Variants in SOX5 observed in about 807,000 individuals in gnomAD.
The protein encoded by SOX5 is SRY-box transcription factor 5.
SOX5 carries 9 observed loss-of-function variants against 92.0 expected under a neutral mutation model. That is an observed-to-expected ratio of 0.10 (90% CI 0.06 to 0.17). The LOEUF (loss-of-function observed/expected upper bound fraction) is 0.17. SOX5 is among the 10% of genes least tolerant of loss of function. The probability of loss-of-function intolerance (pLI) is 1.00; values close to 1 mark genes in which losing one functional copy is unlikely to be tolerated. For synonymous variants in SOX5, 344 were observed against 336.3 expected (o/e 1.02, Z -0.25); for missense variants, 642 against 944.5 (o/e 0.68, Z 4.20).
intron 2 of SOX5, among the ~76,000 whole-genome samples, chr12:24,346,685 T>C (rs1490893180): frequency 6.6e-6 from 1 of 152,070 alleles, no homozygotes; most frequent in Non-Finnish European, 1.5e-5. Context: ...ACTCCTGACC[T>C]TGTGATCCAC....
chr12:24,115,341 A>G (rs557792964), intron 4 of SOX5, among the ~76,000 whole-genome samples: 3 of 152,376 alleles, frequency 2.0e-5, no homozygotes, highest in Admixed American at 1.3e-4. Flanking sequence ...TTGGAACTCT[A>G]TATTCCACTA....
chr12:24,287,080 C>T (rs534213146), intron 2 of SOX5, among the ~76,000 whole-genome samples: 2 of 152,054 alleles, frequency 1.3e-5, no homozygotes, highest in Non-Finnish European at 1.5e-5. Context: ...TTCTAGTCCC[C>T]GAAGTTCAGG....
intron 4 of SOX5, among the ~76,000 whole-genome samples, chr12:24,013,551 G>A (rs1370612811): frequency 2.0e-5 from 3 of 152,148 alleles, no homozygotes; most frequent in Non-Finnish European, 2.9e-5. Flanking sequence ...TAATAACAAT[G>A]TGAAATTTGG....
chr12:24,320,576 C>T (rs1950112075), intron 2 of SOX5, among the ~76,000 whole-genome samples: 1 of 151,966 alleles, frequency 6.6e-6, no homozygotes, highest in Non-Finnish European at 1.5e-5. Flanking sequence ...AAATAAGATC[C>T]ACTGTGCGTC....
In SOX5 at chr12:24,252,502, G is replaced by A. The variant is rs143558452; in HGVS notation, c.-77+24714C>T. ...ATTTCTCCAAAATAAAGGGGGAAAG[G>A]CCAAAAAAAAAAAGTTAAGGGGATT... On this transcript the variant is annotated intron_variant, in intron 3 of 4. Coordinates refer to the SOX5 transcript ENST00000446891. 4.9e-3 allele frequency among the ~76,000 whole-genome samples: 737 copies of A among 149,190 alleles called. 11 individuals are homozygous for A. The highest frequency in any genetic ancestry group is 0.017 in the African/African-American group (703 of 40,348).
At chr12:23,847,664 G>A (rs2096589694) in intron 2 of SOX5, among the ~76,000 whole-genome samples, 1 of 151,094 alleles carries the variant, frequency 6.6e-6, no homozygotes, top group African/African-American at 2.4e-5. Context: ...GAGGCATGTG[G>A]GGAAGGCGAA....
At chr12:23,754,123 CA>C (rs2094284277) in intron 4 of SOX5, among the ~76,000 whole-genome samples, 1 of 151,844 alleles carries the variant, frequency 6.6e-6, no homozygotes, top group African/African-American at 2.4e-5. Context: ...ACCCCCAAGG[CA>C]AGCCTGAAAG....
At chr12:23,603,445 A>AAT (rs72370535) in intron 9 of SOX5, among the ~76,000 whole-genome samples, 2,521 of 124,806 alleles carry the variant, frequency 0.02, 174 homozygotes, top group South Asian at 0.19. Flanking sequence ...ATATATATAA[A>AAT]ATATATATAT....
intron 4 of SOX5, among the ~76,000 whole-genome samples, chr12:24,128,008 C>T (rs1210388736): frequency 9.2e-5 from 14 of 152,186 alleles, no homozygotes; most frequent in Non-Finnish European, 1.5e-4. Context: ...TAATGTTTTA[C>T]ACCATAAATC....
intron 3 of SOX5, among the ~76,000 whole-genome samples, chr12:24,242,399 C>T (rs1230678090): frequency 6.6e-6 from 1 of 152,102 alleles, no homozygotes; most frequent in Non-Finnish European, 1.5e-5. Flanking sequence ...GTTCATTTCC[C>T]CACTAAAGCA....
chr12:24,245,071 C>T (rs1594752783), intron 3 of SOX5, among the ~76,000 whole-genome samples: 1 of 152,070 alleles, frequency 6.6e-6, no homozygotes, highest in Non-Finnish European at 1.5e-5. Context: ...AGGTGAAATC[C>T]TCCCATTAGA....
intron 2 of SOX5, 75 bp from the exon 3 acceptor site, chr12:23,846,268 GAAAGAGAAAGCAAA>G: frequency 1.7e-6 from 2 of 1,153,628 alleles, no homozygotes; most frequent in Non-Finnish European, 2.6e-6. Flanking sequence ...TTGTTTACCT[GAAAGAGAAAGCAAA>G]AGGACAAATA....
chr12:24,346,653 A>C (rs1436927144), intron 2 of SOX5, among the ~76,000 whole-genome samples: 2 of 151,918 alleles, frequency 1.3e-5, no homozygotes, highest in Non-Finnish European at 2.9e-5. Context: ...GGGCTTCACT[A>C]TGCTGGCCGG....
chr12:23,585,898 C>A (rs1265653358), intron 9 of SOX5, among the ~76,000 whole-genome samples: 1 of 152,052 alleles, frequency 6.6e-6, no homozygotes, highest in Admixed American at 6.6e-5. Flanking sequence ...CAGGTAAACC[C>A]CATTTGCATA....
chr12:24,255,430 C>A (rs368653724), intron 3 of SOX5, among the ~76,000 whole-genome samples: 11 of 152,112 alleles, frequency 7.2e-5, no homozygotes, highest in Non-Finnish European at 1.3e-4. Context: ...TTTAGCAAAC[C>A]TTTAAGTACT....
intron 1 of SOX5, among the ~76,000 whole-genome samples, chr12:24,555,167 C>T (rs1298494917): frequency 6.6e-6 from 1 of 152,194 alleles, no homozygotes; most frequent in African/African-American, 2.4e-5. Flanking sequence ...GGAACAGTAA[C>T]ACAGGGGAGC....
At chr12:23,882,364 G>A (rs1055960323) in intron 2 of SOX5, among the ~76,000 whole-genome samples, 14 of 150,282 alleles carry the variant, frequency 9.3e-5, no homozygotes, top group Admixed American at 5.3e-4. Flanking sequence ...AAAAGTAAGC[G>A]GATATACTAA....
chr12:24,003,266 G>C (rs572408902), intron 4 of SOX5, among the ~76,000 whole-genome samples: 2 of 151,982 alleles, frequency 1.3e-5, no homozygotes, highest in Non-Finnish European at 2.9e-5. Flanking sequence ...CTGTTTGCTC[G>C]CATGATTTCC....
At chr12:23,803,101 C>G (rs1240955347) in intron 3 of SOX5, among the ~76,000 whole-genome samples, 2 of 152,216 alleles carry the variant, frequency 1.3e-5, no homozygotes, top group East Asian at 3.8e-4. Context: ...CATCATGCTT[C>G]TCTAAATTCT....
Sources: allele counts gnomAD v4.1 joint callset (sites outside exome capture counted in the v4.1 genomes callset), GRCh38; gene constraint gnomAD v4.1.1; transcripts MANE v1.5; gene names NCBI Gene and HGNC (gene_info 2026-07-23, HGNC 2026-07-21).